Variants in BBS9 observed in about 807,000 individuals in gnomAD.
The protein encoded by BBS9 is protein PTHB1.
A neutral mutation model predicts 117.7 loss-of-function variants in BBS9; 89 were observed. That is an observed-to-expected ratio of 0.76 (90% CI 0.64 to 0.90). BBS9 has a LOEUF of 0.90. Among genes scored for constraint, BBS9 ranks in the 40% least tolerant of loss-of-function variants. BBS9 has a pLI of 0.00. For synonymous variants in BBS9, 379 were observed against 370.9 expected, an observed-to-expected ratio of 1.02 and a Z score of -0.25; for missense variants, 982 against 1,042.2, an observed-to-expected ratio of 0.94 and a Z score of 0.80.
intron 4 of BBS9, among the ~76,000 whole-genome samples, chr7:33,165,524 GT>G (rs1033181797): frequency 1.5e-4 from 21 of 143,754 alleles, no homozygotes; most frequent in Middle Eastern, 3.6e-3. Context: ...GGCTTTGTTC[GT>G]TTTTTTTTTT....
intron 1 of BBS9, among the ~76,000 whole-genome samples, chr7:33,137,214 C>G (rs1790634692): frequency 6.6e-6 from 1 of 152,178 alleles, no homozygotes; most frequent in East Asian, 1.9e-4. Context: ...TGCGACAGCA[C>G]CTGGGCTCGG....
intron 19 of BBS9, among the ~76,000 whole-genome samples, chr7:33,496,231 C>A (rs750863341): frequency 6.6e-6 from 1 of 152,212 alleles, no homozygotes; most frequent in African/African-American, 2.4e-5. Flanking sequence ...CTGGGCCAGG[C>A]GTGGTGGCTC....
At chr7:33,439,448 C>G (rs1835808510) in intron 19 of BBS9, among the ~76,000 whole-genome samples, 1 of 151,636 alleles carries the variant, frequency 6.6e-6, no homozygotes, top group South Asian at 2.1e-4. Flanking sequence ...CTCTTCTCAG[C>G]TTTCATTATT....
At chr7:33,374,146 C>A (rs955843070) in intron 17 of BBS9, among the ~76,000 whole-genome samples, 15 of 151,904 alleles carry the variant, frequency 9.9e-5, no homozygotes, top group African/African-American at 3.4e-4. Context: ...CTGTTATATC[C>A]CAAAGGATTG....
chr7:33,609,501 A>G (rs536018877), downstream of BBS9, among the ~76,000 whole-genome samples: 12 of 152,232 alleles, frequency 7.9e-5, no homozygotes, highest in South Asian at 2.1e-4. Flanking sequence ...TCCATTTTAT[A>G]TAGGAGTTAA....
chr7:33,503,610 G>A (rs1585047526), intron 19 of BBS9, among the ~76,000 whole-genome samples: 1 of 152,122 alleles, frequency 6.6e-6, no homozygotes, highest in African/African-American at 2.4e-5. Context: ...AATACTTCCC[G>A]CAAATTCTTG....
intron 19 of BBS9, among the ~76,000 whole-genome samples, chr7:33,444,856 C>T (rs1261239636): frequency 6.6e-6 from 1 of 152,124 alleles, no homozygotes; most frequent in African/African-American, 2.4e-5. Context: ...AAGACAAAGC[C>T]TTATCAATAT....
intron 19 of BBS9, among the ~76,000 whole-genome samples, chr7:33,399,815 A>G (rs1318373978): frequency 6.6e-6 from 1 of 152,168 alleles, no homozygotes; most frequent in Non-Finnish European, 1.5e-5. Flanking sequence ...AAGATATGTA[A>G]GTGCAAAGTA....
At chr7:33,463,850 A>T (rs1839815309) in intron 19 of BBS9, among the ~76,000 whole-genome samples, 1 of 152,078 alleles carries the variant, frequency 6.6e-6, no homozygotes, top group Admixed American at 6.6e-5. Context: ...CCCTTTCTGA[A>T]ATTCTGAGTT....
At chr7:33,426,345 A>T (rs1833656682) in intron 19 of BBS9, among the ~76,000 whole-genome samples, 1 of 152,324 alleles carries the variant, frequency 6.6e-6, no homozygotes, top group Admixed American at 6.5e-5. Flanking sequence ...TGTTGTACAG[A>T]GGGACTCTGT....
At chr7:33,274,095 A>G (rs756084537) in intron 9 of BBS9, 139 bp downstream of exon 9, 1 of 886,178 alleles carries the variant, frequency 1.1e-6, no homozygotes, top group South Asian at 1.6e-5. Flanking sequence ...AATAAAAGTA[A>G]TTTAAAATAT....
At chr7:33,434,147 T>G (rs1463429817) in intron 19 of BBS9, among the ~76,000 whole-genome samples, 1 of 151,962 alleles carries the variant, frequency 6.6e-6, no homozygotes, top group Non-Finnish European at 1.5e-5. Flanking sequence ...TTTGACCATA[T>G]CTCTGGTTAT....
At chr7:33,628,271 C>A (rs1865734403) in intron 21 of BBS9, among the ~76,000 whole-genome samples, 1 of 151,488 alleles carries the variant, frequency 6.6e-6, no homozygotes, top group Admixed American at 6.6e-5. Flanking sequence ...AGACCAATGT[C>A]CCTCATGAAT....
At position 33,351,301 on chromosome 7, in the gene BBS9, T is replaced by C; in HGVS notation, c.1515T>C (p.Val505=). 10 of 1,611,490 alleles carry C rather than the reference T, an allele frequency of 6.2e-6. No individual in the cohort carries two copies. The highest frequency in any genetic ancestry group is 8.5e-6 in the Non-Finnish European group (10 of 1,177,658). Residue 505 remains valine, a synonymous_variant, in exon 14 of 23, where the codon GTT becomes GTC. Coordinates refer to ENST00000242067, the MANE Select transcript of BBS9 (RefSeq NM_198428.3). ...YTPSELEGNA[V]VSYSRPTDRN... is the part of the protein sequence containing the mutation. The stretch of plus-strand genomic sequence containing the variant: ...CATCAGAATTGGAAGGAAATGCTGT[T>C]GTTTCTTATTCCAGACCAACAGGTA...
chr7:33,519,483 A>G (rs1848293913), intron 20 of BBS9, among the ~76,000 whole-genome samples: 1 of 152,220 alleles, frequency 6.6e-6, no homozygotes, highest in African/African-American at 2.4e-5. Flanking sequence ...CAAAGGCTAT[A>G]ACCATAATGT....
At chr7:33,591,752 A>G (rs1014385678) in intron 21 of BBS9, among the ~76,000 whole-genome samples, 2 of 151,942 alleles carry the variant, frequency 1.3e-5, no homozygotes, top group Non-Finnish European at 2.9e-5. Flanking sequence ...CTTTTATCTT[A>G]ATGTTTCATC....
intron 21 of BBS9, among the ~76,000 whole-genome samples, chr7:33,553,169 G>A (rs187229530): frequency 9.9e-5 from 15 of 152,102 alleles, no homozygotes; most frequent in African/African-American, 3.6e-4. Flanking sequence ...TGTCTTCTGT[G>A]ACCCCTATTA....
At chr7:33,131,362 C>G (rs939003846) in intron 1 of BBS9, among the ~76,000 whole-genome samples, 1 of 152,156 alleles carries the variant, frequency 6.6e-6, no homozygotes, top group Non-Finnish European at 1.5e-5. Context: ...TGTAGTGTAA[C>G]GTGGTCAGAA....
In BBS9 at chr7:33,624,392, T is replaced by C. The variant is rs541091525; in HGVS notation, c.2522-10785T>C. Among the ~76,000 whole-genome samples the C allele has an allele frequency of 1.4e-4, 21 of 152,308 alleles. No homozygotes were observed. In the South Asian group the frequency reaches 3.7e-3, roughly 27 times the overall value. On this transcript the variant is annotated intron_variant, in intron 21 of 21. Coordinates refer to the BBS9 transcript ENST00000671952. The stretch of plus-strand genomic sequence containing the variant: ...CACATTAGAAGCCAAGGATTGCTAG[T>C]GGGCAGAAAATTTTGCAGCTGTTAA...
Sources: allele counts gnomAD v4.1 joint callset (sites outside exome capture counted in the v4.1 genomes callset), GRCh38; gene constraint gnomAD v4.1.1; transcripts MANE v1.5; gene names NCBI Gene and HGNC (gene_info 2026-07-23, HGNC 2026-07-21).